DOP1A: variants seen among roughly 807,000 people sequenced by gnomAD.
DOP1A encodes the protein DOP1 leucine zipper like protein A, also known as protein DOP1A.
DOP1A carries 90 observed loss-of-function variants against 267.6 expected under a neutral mutation model. The ratio of observed to expected loss-of-function variants is 0.34; its 90% CI spans 0.28 to 0.40. The LOEUF (loss-of-function observed/expected upper bound fraction) is 0.40, where lower values mean the gene tolerates loss of function less well. Ranked by LOEUF, DOP1A falls within the 10% of genes least tolerant of loss-of-function variation. The probability of loss-of-function intolerance (pLI) is 1.00; values close to 1 mark genes in which losing one functional copy is unlikely to be tolerated. For missense variants in DOP1A, 2,437 were observed against 2,900.4 expected, an observed-to-expected ratio of 0.84 and a Z score of 3.67; for synonymous variants, 932 against 999.1, an observed-to-expected ratio of 0.93 and a Z score of 1.27.
intron 1 of DOP1A, among the ~76,000 whole-genome samples, chr6:83,086,952 G>A (rs917218173): frequency 7.9e-5 from 12 of 152,068 alleles, no homozygotes; most frequent in African/African-American, 2.4e-4. Flanking sequence ...TGAGAGATTC[G>A]GGGGGTAGAC....
chr6:83,072,680 A>G (rs573600002), intron 1 of DOP1A, among the ~76,000 whole-genome samples: 6 of 152,248 alleles, frequency 3.9e-5, no homozygotes, highest in Non-Finnish European at 7.3e-5. Flanking sequence ...TGAATTATAC[A>G]GGTAAATAGC....
chr6:83,161,657 C>A (rs1286958859), intron 37 of DOP1A, among the ~76,000 whole-genome samples: 1 of 152,102 alleles, frequency 6.6e-6, no homozygotes, highest in African/African-American at 2.4e-5. Flanking sequence ...TTATAGATAA[C>A]CATCAGAATG....
In DOP1A at chr6:83,122,986, T is replaced by A; in HGVS notation, c.1340+4T>A. The stretch of plus-strand genomic sequence containing the variant: ...GCTGGTTTGAAGAATGTTGTAGGTA[T>A]GTTAAACTTTCATTCCTTTTAATTT... On this transcript the variant is annotated splice_donor_region_variant and intron_variant, in intron 12 of 38. Coordinates refer to ENST00000349129, the MANE Select transcript of DOP1A (RefSeq NM_015018.4). 1.3e-6 allele frequency: 2 copies of A among 1,578,774 alleles called. No homozygotes were observed. Among genetic ancestry groups the A allele is most frequent in the Non-Finnish European group, 1.7e-6 (2 of 1,168,724 alleles).
At chr6:83,148,987 G>C in intron 27 of DOP1A, 124 bp downstream of exon 27, 1 of 539,154 alleles carries the variant, frequency 1.9e-6, no homozygotes, top group Non-Finnish European at 3.0e-6. Context: ...GTGTTCTTGA[G>C]ATGCAAAACT....
intron 24 of DOP1A, among the ~76,000 whole-genome samples, chr6:83,144,000 G>C (rs1229761296): frequency 6.6e-6 from 1 of 152,094 alleles, no homozygotes; most frequent in Admixed American, 6.6e-5. Flanking sequence ...GATGAGATTT[G>C]TTAACAGCAA....
At chr6:83,162,583 T>A (rs540639686) in intron 37 of DOP1A, among the ~76,000 whole-genome samples, 1 of 152,186 alleles carries the variant, frequency 6.6e-6, no homozygotes, top group Non-Finnish European at 1.5e-5. Context: ...TACAACCTTA[T>A]GAGGTAGTTA....
At chr6:83,142,237 C>T (rs1307898933) in intron 24 of DOP1A, among the ~76,000 whole-genome samples, 191 bp downstream of exon 24, 1 of 152,078 alleles carries the variant, frequency 6.6e-6, no homozygotes, top group African/African-American at 2.4e-5. Context: ...AGGCTAGGCA[C>T]GGTGGCTCAC....
At position 83,157,240 on chromosome 6, in the gene DOP1A, C is replaced by G. The variant is rs1782995372; in HGVS notation, c.6663C>G (p.Phe2221Leu). ...PQVPTLHSQV[F>L]LFFRVLLLRM... The stretch of plus-strand genomic sequence containing the variant: ...TGCCAACTCTCCATTCTCAAGTGTT[C>G]CTGTTTTTCAGAGTGTTACTTTTAA... Residue 2221 changes from phenylalanine (F) to leucine (L), a missense_variant, in exon 35 of 39, where the codon TTC becomes TTG. Physicochemically the swap from Phe to Leu is conservative, Grantham distance 22. Around this residue, in one of 9 missense-constraint regions of DOP1A, gnomAD observed 75 missense variants for 149.6 expected, o/e 0.50. Coordinates refer to ENST00000349129, the MANE Select transcript of DOP1A (RefSeq NM_015018.4). 2 of 1,613,816 alleles carry G rather than the reference C, an allele frequency of 1.2e-6. No individual in the cohort carries two copies. Among genetic ancestry groups the G allele is most frequent in the Admixed American group, 1.7e-5 (1 of 59,966 alleles).
chr6:83,091,407 G>A (rs972412526), intron 1 of DOP1A, among the ~76,000 whole-genome samples: 2 of 151,020 alleles, frequency 1.3e-5, no homozygotes, highest in South Asian at 2.1e-4. Context: ...TGTTTTATAT[G>A]TTTGATATAA....
At chr6:83,103,040 C>G (rs985967952) in intron 4 of DOP1A, among the ~76,000 whole-genome samples, 1 of 152,140 alleles carries the variant, frequency 6.6e-6, no homozygotes, top group Non-Finnish European at 1.5e-5. Context: ...GGCCCTTCTT[C>G]CACATTTTTA....
chr6:83,163,533 A>G (rs889066281), intron 38 of DOP1A, among the ~76,000 whole-genome samples: 5 of 152,200 alleles, frequency 3.3e-5, no homozygotes, highest in African/African-American at 1.2e-4. Flanking sequence ...TATCTATATG[A>G]AATAAAATAT....
At chr6:83,161,986 T>C (rs763805823) in intron 37 of DOP1A, among the ~76,000 whole-genome samples, 8 of 152,154 alleles carry the variant, frequency 5.3e-5, no homozygotes, top group Admixed American at 1.3e-4. Flanking sequence ...TTTTATATGA[T>C]GCAGAATTGT....
At chr6:83,117,823 T>A (rs992470426) in intron 7 of DOP1A, among the ~76,000 whole-genome samples, 1 of 152,218 alleles carries the variant, frequency 6.6e-6, no homozygotes, top group Non-Finnish European at 1.5e-5. Context: ...ATTGTACAGA[T>A]CAATAGAAGG....
At chr6:83,133,978 C>T (rs1778486305) in intron 18 of DOP1A, among the ~76,000 whole-genome samples, 1 of 151,928 alleles carries the variant, frequency 6.6e-6, no homozygotes, top group South Asian at 2.1e-4. Context: ...TGAGATGATC[C>T]TTTTAAGTTC....
At chr6:83,114,820 T>A (rs541929521) in intron 7 of DOP1A, among the ~76,000 whole-genome samples, 8 of 152,308 alleles carry the variant, frequency 5.3e-5, no homozygotes, top group African/African-American at 1.9e-4. Context: ...ATGGAAACAA[T>A]AGCTTCGTTG....
intron 35 of DOP1A, 64 bp downstream of exon 35, chr6:83,157,382 G>A: frequency 6.6e-7 from 1 of 1,519,400 alleles, no homozygotes; most frequent in Non-Finnish European, 9.1e-7. Flanking sequence ...TAGTTTCCAT[G>A]TGCTTACTAG....
At position 83,121,931 on chromosome 6, in the gene DOP1A, A is replaced by T. The variant is rs774590993; in HGVS notation, c.1101A>T (p.Gly367=). Residue 367 remains glycine, a splice_region_variant and synonymous_variant, in exon 11 of 39, where the codon GGA becomes GGT. Transcript: ENST00000349129. Reference sequence around the variant, plus strand: ...CTTTAATTTGAATATTAATTTTAGGACCTGTAATTCTAGAAGATGTCCTGA... The same window carrying T: ...CTTTAATTTGAATATTAATTTTAGGTCCTGTAATTCTAGAAGATGTCCTGA... ...LISLLDKPEL[G]PVILEDVLIE... 1 of 1,593,720 alleles carries T rather than the reference A, an allele frequency of 6.3e-7. No individual in the cohort carries two copies. Among genetic ancestry groups the T allele is most frequent in the Non-Finnish European group, 8.6e-7 (1 of 1,168,950 alleles).
At chr6:83,115,611 C>T (rs1775295790) in intron 7 of DOP1A, among the ~76,000 whole-genome samples, 1 of 152,166 alleles carries the variant, frequency 6.6e-6, no homozygotes, top group Non-Finnish European at 1.5e-5. Context: ...GTAGTCCCAG[C>T]TACTCGGGAG....
chr6:83,158,148 G>A (rs529034555), intron 35 of DOP1A, among the ~76,000 whole-genome samples: 11 of 152,076 alleles, frequency 7.2e-5, no homozygotes, highest in African/African-American at 2.4e-4. Context: ...ACAGGCACCT[G>A]CCACCACACC....
Sources: gnomAD v4.1 joint callset for allele counts (sites outside exome capture counted in the v4.1 genomes callset) on GRCh38, gnomAD v4.1.1 for gene constraint, gnomAD v4.1.1 regional missense constraint, MANE v1.5 for transcripts, NCBI Gene and HGNC (gene_info 2026-07-23, HGNC 2026-07-21) for gene names.